HDAC8: variants seen among roughly 807,000 people sequenced by gnomAD.
The protein encoded by HDAC8 is histone deacetylase 8.
Under a neutral mutation model 32.2 loss-of-function variants are expected in HDAC8, and 1 was observed. The observed-to-expected ratio is 0.03, with a 90% CI of 0.01 to 0.15. HDAC8 has a LOEUF of 0.15. Ranked by LOEUF, HDAC8 falls within the 10% of genes least tolerant of loss-of-function variation. HDAC8 has a pLI of 1.00. For synonymous variants in HDAC8, 108 were observed against 113.9 expected, an observed-to-expected ratio of 0.95 and a Z score of 0.33; for missense variants, 117 against 300.0, an observed-to-expected ratio of 0.39 and a Z score of 4.51.
chrX:72,472,289 G>A (rs950059841), intron 7 of HDAC8, among the ~76,000 whole-genome samples: 1 of 109,711 alleles, frequency 9.1e-6, no homozygotes, highest in Non-Finnish European at 1.9e-5. Flanking sequence ...GGATGGTCTC[G>A]ATCTCCTGAC....
intron 10 of HDAC8, among the ~76,000 whole-genome samples, chrX:72,349,463 T>C (rs1467160331): frequency 1.8e-5 from 2 of 112,670 alleles, no homozygotes; most frequent in Non-Finnish European, 3.7e-5. Context: ...CCAGTTTGCA[T>C]GCATGTAGTT....
chrX:72,410,276 A>T (rs1489151613), intron 9 of HDAC8, among the ~76,000 whole-genome samples: 1 of 110,921 alleles, frequency 9.0e-6, no homozygotes, highest in Non-Finnish European at 1.9e-5. Flanking sequence ...AAGTGAAGCC[A>T]TAAAAAAATG....
intron 9 of HDAC8, among the ~76,000 whole-genome samples, chrX:72,389,320 T>G (rs1156694047): frequency 1.8e-5 from 2 of 110,662 alleles, no homozygotes; most frequent in African/African-American, 3.4e-5. Flanking sequence ...CGAAACAAAT[T>G]AGCATCTTCA....
At chrX:72,441,476 C>A (rs1223398588) in intron 9 of HDAC8, among the ~76,000 whole-genome samples, 4 of 112,149 alleles carry the variant, frequency 3.6e-5, no homozygotes, top group African/African-American at 1.3e-4. Context: ...AGCTGAGGGT[C>A]CTGTCTGTTA....
At chrX:72,472,060 TTTA>T (rs2048193472) in intron 7 of HDAC8, among the ~76,000 whole-genome samples, 1 of 110,100 alleles carries the variant, frequency 9.1e-6, no homozygotes, top group African/African-American at 3.3e-5. Context: ...TATTTTTTAT[TTTA>T]TTTTATTTAT....
chrX:72,338,654 TATTTATAA>T (rs1249018510), intron 10 of HDAC8, among the ~76,000 whole-genome samples: 65 of 95,066 alleles, frequency 6.8e-4, no homozygotes, highest in African/African-American at 1.6e-3. Flanking sequence ...TATATATATA[TATTTATAA>T]ATATATATAA....
intron 10 of HDAC8, among the ~76,000 whole-genome samples, chrX:72,344,222 T>C (rs1320166935): frequency 9.0e-6 from 1 of 111,435 alleles, no homozygotes; most frequent in African/African-American, 3.3e-5. Context: ...CTTTTTTTTT[T>C]CCTGACTACA....
intron 7 of HDAC8, among the ~76,000 whole-genome samples, chrX:72,468,346 G>A (rs1462790515): frequency 1.8e-5 from 2 of 111,446 alleles, no homozygotes; most frequent in African/African-American, 6.5e-5. Context: ...AGGAAGCAAG[G>A]TAAGGTAAAT....
intron 10 of HDAC8, 53 bp downstream of exon 10, chrX:72,351,680 C>T (rs1358206330): frequency 2.2e-6 from 2 of 889,757 alleles, no homozygotes; most frequent in Non-Finnish European, 3.3e-6. Flanking sequence ...CACTGATGGG[C>T]CACCACAAAC....
At chrX:72,487,520 A>G (rs1361749417) in intron 7 of HDAC8, among the ~76,000 whole-genome samples, 1 of 110,609 alleles carries the variant, frequency 9.0e-6, no homozygotes, top group African/African-American at 3.3e-5. Flanking sequence ...ATAACCTTCA[A>G]TAGGGGCACA....
chrX:72,503,790 A>G (rs1556017419), intron 4 of HDAC8, among the ~76,000 whole-genome samples: 1 of 112,134 alleles, frequency 8.9e-6, no homozygotes. Context: ...AGATATGATC[A>G]GACACTTTTA....
In HDAC8 at chrX:72,329,561, T is replaced by C. The variant is rs1199378400; in HGVS notation, c.*493A>G. The C allele has an allele frequency of 1.2e-6, 1 of 817,113 alleles. No homozygotes were observed. Among genetic ancestry groups the C allele is most frequent in the African/African-American group, 2.1e-5 (1 of 47,402 alleles). 67.3% of individuals were successfully genotyped at this position (817,113 alleles called of 1,213,427 possible). On this transcript the variant is annotated 3_prime_UTR_variant, in exon 11 of 11. Coordinates refer to ENST00000373573, the MANE Select transcript of HDAC8 (RefSeq NM_018486.3). ...TAAAAAAACCAAAGATATATAACAC[T>C]AAAACAACACCAGCGGACTTCTCCC...
intron 10 of HDAC8, among the ~76,000 whole-genome samples, chrX:72,349,272 C>G (rs782190811): frequency 4.5e-5 from 5 of 112,029 alleles, no homozygotes; most frequent in Non-Finnish European, 9.4e-5. Flanking sequence ...GGGCTCCAGT[C>G]CTCTCCCCAG....
intron 9 of HDAC8, among the ~76,000 whole-genome samples, chrX:72,381,366 C>T (rs782568989): frequency 9.0e-6 from 1 of 111,668 alleles, no homozygotes; most frequent in South Asian, 3.8e-4. Flanking sequence ...GTGCTAGGCA[C>T]TGTGGGGTTT....
intron 4 of HDAC8, among the ~76,000 whole-genome samples, chrX:72,518,441 G>A (rs964833203): frequency 9.0e-6 from 1 of 110,959 alleles, no homozygotes; most frequent in African/African-American, 3.3e-5. Flanking sequence ...TATAGTTCTG[G>A]GGAACAGTTT....
chrX:72,530,444 G>GTTT (rs1232261962), intron 4 of HDAC8, among the ~76,000 whole-genome samples: 11 of 80,181 alleles, frequency 1.4e-4, no homozygotes, highest in African/African-American at 1.8e-4. Context: ...TATTTTATGC[G>GTTT]TTTTTTTTTT....
rs182161989 is a variant in HDAC8 at position 72,395,664 on chromosome X, A to G, written c.1006-43826T>C. ...GCAAGGAAGAACTCATGAGGGCTAC[A>G]TACAGAGAGACAGGAAGCACTGTAA... On this transcript the variant is annotated intron_variant, in intron 9 of 10. Coordinates refer to ENST00000373573, the MANE Select transcript of HDAC8 (RefSeq NM_018486.3). Among the ~76,000 whole-genome samples, 381 of 112,458 alleles carry G rather than the reference A, an allele frequency of 3.4e-3. 1 individual carries two copies. The highest frequency in any genetic ancestry group is 3.3e-3 in the Non-Finnish European group (174 of 53,233).
chrX:72,415,345 G>A (rs1479835987), intron 9 of HDAC8, among the ~76,000 whole-genome samples: 1 of 112,000 alleles, frequency 8.9e-6, no homozygotes, highest in African/African-American at 3.2e-5. Context: ...TAGCTACATA[G>A]TCTTAAAATT....
chrX:72,489,779 G>A (rs2048800775), intron 6 of HDAC8, among the ~76,000 whole-genome samples: 1 of 111,204 alleles, frequency 9.0e-6, no homozygotes, highest in African/African-American at 3.3e-5. Flanking sequence ...AAGAGCTTCT[G>A]TACAGCAAAA....
Sources: allele counts gnomAD v4.1 joint callset (sites outside exome capture counted in the v4.1 genomes callset), GRCh38; gene constraint gnomAD v4.1.1; transcripts MANE v1.5; gene names NCBI Gene and HGNC (gene_info 2026-07-23, HGNC 2026-07-21).